Variants in RAPGEF2 observed in about 807,000 individuals in gnomAD.
RAPGEF2 encodes PDZ domain containing guanine nucleotide exchange factor (GEF) 1.
A neutral mutation model predicts 186.7 loss-of-function variants in RAPGEF2; 54 were observed. The ratio of observed to expected loss-of-function variants is 0.29; its 90% confidence interval spans 0.23 to 0.36. RAPGEF2 has a LOEUF of 0.36. Ranked by LOEUF, RAPGEF2 falls within the 10% of genes least tolerant of loss-of-function variation. The probability of loss-of-function intolerance (pLI) is 1.00; values close to 1 mark genes in which losing one functional copy is unlikely to be tolerated. For missense variants in RAPGEF2, 1,532 were observed against 2,045.0 expected (o/e 0.75, Z 4.84); for synonymous variants, 712 against 705.9 (o/e 1.01, Z -0.14).
At chr4:159,197,581 CT>C (rs1212223814) in intron 3 of RAPGEF2, among the ~76,000 whole-genome samples, 1 of 152,144 alleles carries the variant, frequency 6.6e-6, no homozygotes. Flanking sequence ...GGAAATTGTT[CT>C]CCATAAAAGA....
chr4:159,337,747 G>A (rs1454037301), intron 17 of RAPGEF2, among the ~76,000 whole-genome samples: 8 of 151,330 alleles, frequency 5.3e-5, no homozygotes, highest in Non-Finnish European at 1.0e-4. Flanking sequence ...AAAATTAGCC[G>A]GGCATGGTGG....
At chr4:159,140,660 T>C (rs977921027) in intron 1 of RAPGEF2, among the ~76,000 whole-genome samples, 2 of 152,098 alleles carry the variant, frequency 1.3e-5, no homozygotes, top group African/African-American at 2.4e-5. Flanking sequence ...GACAACTCTC[T>C]AGTAGACAAA....
At chr4:159,294,072 A>T (rs1341396577) in intron 7 of RAPGEF2, among the ~76,000 whole-genome samples, 1 of 152,138 alleles carries the variant, frequency 6.6e-6, no homozygotes, top group Non-Finnish European at 1.5e-5. Context: ...ATGCTACTGT[A>T]TGTAGATCTA....
In RAPGEF2 at chr4:159,352,834, A is replaced by G; in HGVS notation, c.4015A>G (p.Ser1339Gly). 1 of 1,614,252 alleles carries G rather than the reference A, an allele frequency of 6.2e-7. No individual in the cohort carries two copies. The highest frequency in any genetic ancestry group is 8.5e-7 in the Non-Finnish European group (1 of 1,180,046). Residue 1339 changes from serine to glycine, a missense_variant, in exon 27 of 30, where the codon AGC becomes GGC. Coordinates refer to ENST00000691494, the MANE Select transcript of RAPGEF2 (RefSeq NM_001394067.2). ...HDERRQRHSV[S>G]IVETNLGMGR... ...TGAGAGGCGCCAGAGGCATTCTGTC[A>G]GCATCGTGGAAACAAACCTAGGGAT...
chr4:159,164,210 T>G (rs2111227934), intron 1 of RAPGEF2, among the ~76,000 whole-genome samples: 1 of 151,928 alleles, frequency 6.6e-6, no homozygotes, highest in East Asian at 1.9e-4. Flanking sequence ...TTCACCGTGT[T>G]AGCCAGGATG....
intron 4 of RAPGEF2, 131 bp from the exon 5 acceptor site, chr4:159,238,673 ATTCAC>A: frequency 2.0e-6 from 1 of 504,450 alleles, no homozygotes; most frequent in Non-Finnish European, 3.3e-6. Flanking sequence ...ATTAAAGATA[ATTCAC>A]TTTCTCCAAT....
At chr4:159,162,211 T>C (rs1329480253) in intron 1 of RAPGEF2, among the ~76,000 whole-genome samples, 1 of 136,532 alleles carries the variant, frequency 7.3e-6, no homozygotes, top group Non-Finnish European at 1.5e-5. Context: ...ATAGTGAGAC[T>C]GTGTTTCTTC....
chr4:159,302,964 C>T (rs868447493), intron 7 of RAPGEF2, among the ~76,000 whole-genome samples: 3 of 151,934 alleles, frequency 2.0e-5, no homozygotes, highest in South Asian at 2.1e-4. Context: ...GAATTTTTCT[C>T]CATTTATTTG....
intron 7 of RAPGEF2, among the ~76,000 whole-genome samples, chr4:159,249,357 T>G (rs1305641194): frequency 6.6e-6 from 1 of 151,838 alleles, no homozygotes; most frequent in Non-Finnish European, 1.5e-5. Flanking sequence ...AATTGATCTT[T>G]TTTACAGTTA....
rs1231991431 is a variant in RAPGEF2 at position 159,195,935 on chromosome 4, CA to C, written c.197+2680del. 6.6e-5 allele frequency among the ~76,000 whole-genome samples: 8 copies of C among 120,822 alleles called. No individual in the cohort carries two copies. The Admixed American group carries it at 7.8e-4, about 12-fold the overall frequency. 79.3% of individuals were successfully genotyped at this position (120,822 alleles called of 152,430 possible). A position where few individuals can be genotyped will look rare whatever the true frequency, so the allele number is the denominator to read the frequency against. On this transcript the variant is annotated intron_variant, in intron 3 of 29. Transcript: ENST00000691494. ...AGTAGGCTTAGAGGTTTAGACAGTG[CA>C]TGTGAGCTATGCTGATAATGCCAAG...
intron 5 of RAPGEF2, among the ~76,000 whole-genome samples, chr4:159,240,807 GTTTT>G (rs373635263): frequency 1.4e-4 from 18 of 132,964 alleles, no homozygotes; most frequent in African/African-American, 3.3e-4. Context: ...TTCCATCAGG[GTTTT>G]TTTTTTTTTT....
In RAPGEF2 at chr4:159,238,880, T is replaced by C; in HGVS notation, c.353T>C (p.Ile118Thr). 6.6e-7 allele frequency: 1 copy of C among 1,512,014 alleles called. No individual in the cohort carries two copies. Among genetic ancestry groups the C allele is most frequent in the South Asian group, 1.3e-5 (1 of 78,108 alleles). 93.7% of individuals were successfully genotyped at this position (1,512,014 alleles called of 1,614,324 possible). The change falls in exon 5 of 30, where the codon ATT (isoleucine) becomes ACT (threonine). Residue 118 changes from isoleucine to threonine, a missense_variant. Physicochemically the swap from Ile to Thr is moderately conservative, Grantham distance 89 (BLOSUM62 -1). Transcript: ENST00000691494. ...ECIVLEPSEM[I>T]VVDYMDENEE... ...ATTGTTTTAGAGCCTTCTGAAATGATTGTGGTAAGAGTATTTCTGTGAGGA... is the reference window on the plus strand; with the variant it reads ...ATTGTTTTAGAGCCTTCTGAAATGACTGTGGTAAGAGTATTTCTGTGAGGA...
intron 7 of RAPGEF2, among the ~76,000 whole-genome samples, chr4:159,262,688 C>A (rs1290318786): frequency 1.3e-5 from 2 of 152,162 alleles, no homozygotes; most frequent in Non-Finnish European, 2.9e-5. Flanking sequence ...ATCTTTTAAT[C>A]TTTCCCTTCT....
At chr4:159,174,599 C>G (rs1746258116) in intron 1 of RAPGEF2, among the ~76,000 whole-genome samples, 2 of 152,128 alleles carry the variant, frequency 1.3e-5, no homozygotes, top group Non-Finnish European at 2.9e-5. Context: ...TCTAAAAAAG[C>G]ATGCCTTTTT....
intron 1 of RAPGEF2, among the ~76,000 whole-genome samples, chr4:159,110,184 T>C (rs1481981120): frequency 6.6e-6 from 1 of 152,238 alleles, no homozygotes; most frequent in Non-Finnish European, 1.5e-5. Context: ...TTGTTGAATA[T>C]AGTTTTCTTG....
intron 7 of RAPGEF2, among the ~76,000 whole-genome samples, chr4:159,255,203 A>G (rs922420932): frequency 3.3e-5 from 5 of 152,176 alleles, no homozygotes; most frequent in Non-Finnish European, 7.4e-5. Context: ...TTGTACAAAG[A>G]CAAAGTTGCC....
chr4:159,150,285 A>G (rs1274468886), intron 1 of RAPGEF2, among the ~76,000 whole-genome samples: 3 of 152,174 alleles, frequency 2.0e-5, no homozygotes, highest in African/African-American at 7.2e-5. Flanking sequence ...TTCTGGTCAC[A>G]TTTTCATCAG....
intron 1 of RAPGEF2, among the ~76,000 whole-genome samples, chr4:159,170,281 T>G (rs1388098719): frequency 6.6e-6 from 1 of 152,208 alleles, no homozygotes; most frequent in Admixed American, 6.5e-5. Context: ...TGAGTTGTTT[T>G]TCTTATATAT....
chr4:159,358,053 A>G (rs1019105912), intron 29 of RAPGEF2, 61 bp from the exon 30 acceptor site: 26 of 1,529,578 alleles, frequency 1.7e-5, no homozygotes, highest in African/African-American at 5.5e-5. Flanking sequence ...TATATTCTCT[A>G]TAGCACAAGA....
Sources: allele counts gnomAD v4.1 joint callset (sites outside exome capture counted in the v4.1 genomes callset), GRCh38; gene constraint gnomAD v4.1.1; transcripts MANE v1.5; gene names NCBI Gene and HGNC (gene_info 2026-07-23, HGNC 2026-07-21).